ZNF761: variants seen among roughly 807,000 people sequenced by gnomAD.
ZNF761 encodes zinc finger protein 761.
Under a neutral mutation model 59.9 loss-of-function variants are expected in ZNF761, and 43 were observed. The ratio of observed to expected loss-of-function variants is 0.72; its 90% CI spans 0.56 to 0.92. ZNF761 has a LOEUF of 0.92. ZNF761 is among the 40% of genes least tolerant of loss of function. ZNF761 has a pLI of 0.00. For synonymous variants in ZNF761, 294 were observed against 304.8 expected (o/e 0.96, Z 0.37); for missense variants, 850 against 906.1 (o/e 0.94, Z 0.79).
At chr19:53,433,658 C>G (rs375263267) in intron 1 of ZNF761, among the ~76,000 whole-genome samples, 2 of 152,192 alleles carry the variant, frequency 1.3e-5, no homozygotes, top group African/African-American at 4.8e-5. Flanking sequence ...TGAAAGAGCA[C>G]TGGCTGATAT....
intron 1 of ZNF761, among the ~76,000 whole-genome samples, chr19:53,435,128 G>C (rs1450158697): frequency 1.3e-5 from 2 of 151,882 alleles, no homozygotes; most frequent in African/African-American, 2.4e-5. Context: ...CGGTAAAAGG[G>C]GGGGACCTTG....
chr19:53,450,980 G>C (rs761602716), intron 4 of ZNF761, among the ~76,000 whole-genome samples: 16 of 144,262 alleles, frequency 1.1e-4, no homozygotes, highest in Non-Finnish European at 2.1e-4. Context: ...GCGATAGCAC[G>C]AGACTCTGTC....
At chr19:53,451,775 A>C (rs2147140231) in intron 4 of ZNF761, among the ~76,000 whole-genome samples, 1 of 148,518 alleles carries the variant, frequency 6.7e-6, no homozygotes, top group South Asian at 2.2e-4. Flanking sequence ...TTTTTTTAGA[A>C]ACGGGGTTTC....
intron 1 of ZNF761, among the ~76,000 whole-genome samples, chr19:53,434,124 C>T (rs954221566): frequency 6.6e-6 from 1 of 152,080 alleles, no homozygotes; most frequent in African/African-American, 2.4e-5. Context: ...GTACTGCTTG[C>T]GAGTTTATGA....
At position 53,454,830 on chromosome 19, in the gene ZNF761, G is replaced by T. The variant is rs565786134; in HGVS notation, c.323G>T (p.Gly108Val). ...EFQWQEDERN[G>V]HEAPMTKIKK... ...CAATGGCAAGAAGATGAAAGAAATG[G>T]CCATGAAGCACCCATGACAAAAATC... The change falls in exon 5 of 5, where the codon GGC (glycine) becomes GTC (valine). Residue 108 changes from glycine to valine, a missense_variant. By Grantham distance (109) the Gly-to-Val change is moderately radical. Transcript: ENST00000684525. 1 of 1,614,088 alleles carries T rather than the reference G, an allele frequency of 6.2e-7. No homozygotes were observed. The highest frequency in any genetic ancestry group is 8.5e-7 in the Non-Finnish European group (1 of 1,180,026).
rs368157010 is a variant in ZNF761 at position 53,435,289 on chromosome 19, C to CTTTTTTTTTTTTTTTTTT, written c.-185+3276_-185+3293dup. On this transcript the variant is annotated intron_variant, in intron 1 of 4. Coordinates refer to ENST00000684525, the MANE Select transcript of ZNF761 (RefSeq NM_001289951.2). ...GGTCGTCTGGCTATAAATACAAGTC[C>CTTTTTTTTTTTTTTTTTT]TTTTTTTTTTTTTTTTTTTTTTTTT... Among the ~76,000 whole-genome samples the CTTTTTTTTTTTTTTTTTT allele has an allele frequency of 1.3e-4, 7 of 53,616 alleles. 1 individual carries two copies. The highest frequency in any genetic ancestry group is 4.9e-4 in the African/African-American group (6 of 12,362). 35.2% of individuals were successfully genotyped at this position (53,616 alleles called of 152,430 possible).
chr19:53,433,011 A>G (rs1314027380), intron 1 of ZNF761, among the ~76,000 whole-genome samples: 5 of 126,430 alleles, frequency 4.0e-5, no homozygotes, highest in African/African-American at 9.1e-5. Context: ...CAGGGAGGAC[A>G]CCTGGGGATC....
intron 1 of ZNF761, among the ~76,000 whole-genome samples, chr19:53,440,503 G>T (rs935043101): frequency 9.2e-5 from 14 of 152,136 alleles, no homozygotes; most frequent in African/African-American, 3.4e-4. Context: ...CATGTACATT[G>T]TATAAATCTT....
At chr19:53,446,601 G>A (rs1405005828) in intron 2 of ZNF761, among the ~76,000 whole-genome samples, 2 of 152,020 alleles carry the variant, frequency 1.3e-5, no homozygotes. Flanking sequence ...TCAAACTTCT[G>A]ACCTCAAGTA....
At position 53,457,239 on chromosome 19, in the gene ZNF761, T is replaced by A. The variant is rs2086280610; in HGVS notation, c.*491T>A. 1 of 459,484 alleles carries A rather than the reference T, an allele frequency of 2.2e-6. No individual in the cohort carries two copies. Among genetic ancestry groups the A allele is most frequent in the Non-Finnish European group, 4.3e-6 (1 of 230,320 alleles). 28.5% of individuals were successfully genotyped at this position (459,484 alleles called of 1,614,324 possible). A position where few individuals can be genotyped will look rare whatever the true frequency, so the allele number is the denominator to read the frequency against. On this transcript the variant is annotated 3_prime_UTR_variant, in exon 5 of 5. Coordinates refer to ENST00000684525, the MANE Select transcript of ZNF761 (RefSeq NM_001289951.2). ...GAGAATCCATAAGGAAGAGAGATCA[T>A]ACTAGGGTAATAAATGTGGCAGATT...
chr19:53,438,437 C>A (rs1399677239), intron 1 of ZNF761, among the ~76,000 whole-genome samples: 1 of 152,118 alleles, frequency 6.6e-6, no homozygotes, highest in Non-Finnish European at 1.5e-5. Flanking sequence ...AGTCAGAGCC[C>A]CTATAGTCAT....
At chr19:53,448,797 G>A (rs1369732314) in intron 3 of ZNF761, among the ~76,000 whole-genome samples, 6 of 138,506 alleles carry the variant, frequency 4.3e-5, no homozygotes, top group African/African-American at 1.7e-4. Context: ...TTTTTTTTGA[G>A]ATATAGTCTC....
intron 1 of ZNF761, among the ~76,000 whole-genome samples, chr19:53,434,984 A>G (rs928737988): frequency 5.3e-5 from 8 of 152,210 alleles, no homozygotes; most frequent in Middle Eastern, 3.4e-3. Flanking sequence ...ACATATAGGT[A>G]GGTTGCTGGG....
In ZNF761 at chr19:53,446,209, TC is replaced by T. The variant is rs2086157511; in HGVS notation, c.-184-17del. 6.6e-6 allele frequency: 1 copy of T among 152,620 alleles called. No individual in the cohort carries two copies. The highest frequency in any genetic ancestry group is 2.4e-5 in the African/African-American group (1 of 41,406). 9.5% of individuals were successfully genotyped at this position (152,620 alleles called of 1,614,324 possible). On this transcript the variant is annotated splice_polypyrimidine_tract_variant and intron_variant, in intron 1 of 4. Coordinates refer to ENST00000684525, the MANE Select transcript of ZNF761 (RefSeq NM_001289951.2). ...CATCAATCACATCAGAATTTTTTTT[TC>T]TTTTTTTTGGAGACAGAGTATTGCC...
At chr19:53,454,288 T>C (rs1320844105) in intron 4 of ZNF761, among the ~76,000 whole-genome samples, 1 of 152,362 alleles carries the variant, frequency 6.6e-6, no homozygotes, top group Non-Finnish European at 1.5e-5. Flanking sequence ...TTGTATACAG[T>C]AAATATGCTG....
chr19:53,454,622 G>T, intron 4 of ZNF761, 28 bp from the exon 5 acceptor site: 1 of 1,544,200 alleles, frequency 6.5e-7, no homozygotes, highest in East Asian at 2.3e-5. Context: ...TACTTAATTT[G>T]AAAGCTTTCG....
chr19:53,433,836 C>A (rs897606183), intron 1 of ZNF761, among the ~76,000 whole-genome samples: 7 of 152,132 alleles, frequency 4.6e-5, no homozygotes, highest in Non-Finnish European at 1.0e-4. Context: ...AGGAGGAAAA[C>A]CAGCCTCTAA....
At chr19:53,445,304 G>C (rs2086145157) in intron 1 of ZNF761, 1 of 152,202 alleles carries the variant, frequency 6.6e-6, no homozygotes, top group South Asian at 2.1e-4. Flanking sequence ...TCAGGAATCA[G>C]TGGCATCAGA....
intron 1 of ZNF761, chr19:53,444,381 A>G (rs1204348592): frequency 6.6e-6 from 1 of 152,200 alleles, no homozygotes; most frequent in Non-Finnish European, 1.5e-5. Flanking sequence ...GCTGGCGGCA[A>G]TACTGCTCTT....
Sources: allele counts gnomAD v4.1 joint callset (sites outside exome capture counted in the v4.1 genomes callset), GRCh38; gene constraint gnomAD v4.1.1; transcripts MANE v1.5; gene names NCBI Gene and HGNC (gene_info 2026-07-23, HGNC 2026-07-21).